The following SLIT2 variants were observed in gnomAD, a reference collection of about 807,000 sequenced individuals.
SLIT2 encodes slit homolog 2 protein.
In SLIT2, 41 loss-of-function variants were observed where a neutral mutation model predicts 185.7. The ratio of observed to expected loss-of-function variants is 0.22; its 90% CI spans 0.17 to 0.29. SLIT2 has a LOEUF of 0.29. Ranked by LOEUF, SLIT2 falls within the 10% of genes least tolerant of loss-of-function variation. SLIT2 has a pLI of 1.00. For synonymous variants in SLIT2, 693 were observed against 680.2 expected, an observed-to-expected ratio of 1.02 and a Z score of -0.29; for missense variants, 1,571 against 1,909.0, an observed-to-expected ratio of 0.82 and a Z score of 3.30.
intron 33 of SLIT2, among the ~76,000 whole-genome samples, chr4:20,598,691 A>G (rs6820674): frequency 0.36 from 54,363 of 151,906 alleles, 10,312 homozygotes; most frequent in East Asian, 0.76. Context: ...TGAAGGATCA[A>G]GAGGAGGGAG....
At chr4:20,307,134 TCCTCCCTC>T (rs1194947629) in intron 4 of SLIT2, among the ~76,000 whole-genome samples, 17 of 29,432 alleles carry the variant, frequency 5.8e-4, no homozygotes, top group African/African-American at 2.0e-3. Flanking sequence ...TTCCCTCCCT[TCCTCCCTC>T]CCTCCCTCCC....
At chr4:20,596,242 A>T (rs756122860) in intron 31 of SLIT2, among the ~76,000 whole-genome samples, 173 bp from the exon 32 acceptor site, 3 of 152,186 alleles carry the variant, frequency 2.0e-5, no homozygotes, top group Non-Finnish European at 4.4e-5. Flanking sequence ...TAAGTTTGGA[A>T]TATCTGTTGT....
chr4:20,549,160 T>TA, intron 24 of SLIT2, 32 bp downstream of exon 24: 1 of 1,323,640 alleles, frequency 7.6e-7, no homozygotes, highest in Non-Finnish European at 1.1e-6. Flanking sequence ...GAATATCTCT[T>TA]TTCTCAGAGA....
chr4:20,488,553 T>C (rs1560468603), intron 7 of SLIT2, among the ~76,000 whole-genome samples: 1 of 152,146 alleles, frequency 6.6e-6, no homozygotes, highest in Non-Finnish European at 1.5e-5. Flanking sequence ...TTTTTTTCTC[T>C]TTCCTCTTTT....
At chr4:20,538,214 C>T (rs751379494) in intron 18 of SLIT2, among the ~76,000 whole-genome samples, 2 of 152,188 alleles carry the variant, frequency 1.3e-5, no homozygotes, top group Non-Finnish European at 2.9e-5. Context: ...CCCGCCTCGG[C>T]CTCCCAAAGT....
At chr4:20,443,269 C>T (rs1160454177) in intron 4 of SLIT2, among the ~76,000 whole-genome samples, 1 of 152,148 alleles carries the variant, frequency 6.6e-6, no homozygotes, top group Non-Finnish European at 1.5e-5. Flanking sequence ...TTACATTTTA[C>T]TGTGTGCAGA....
At chr4:20,343,436 T>C (rs1721124932) in intron 4 of SLIT2, among the ~76,000 whole-genome samples, 1 of 152,206 alleles carries the variant, frequency 6.6e-6, no homozygotes, top group African/African-American at 2.4e-5. Context: ...TAGTATTCCA[T>C]TGTGTATGTA....
intron 4 of SLIT2, among the ~76,000 whole-genome samples, chr4:20,328,781 A>C (rs2109192221): frequency 6.6e-6 from 1 of 152,216 alleles, no homozygotes; most frequent in East Asian, 1.9e-4. Flanking sequence ...CTAAATATAA[A>C]CTGTGGTATG....
chr4:20,341,267 A>G (rs1720940409), intron 4 of SLIT2, among the ~76,000 whole-genome samples: 1 of 152,200 alleles, frequency 6.6e-6, no homozygotes, highest in African/African-American at 2.4e-5. Flanking sequence ...ACCCATGGAG[A>G]ATGTGTCCTC....
chr4:20,511,593 T>TTTTTTTTTTTTTTTTTTA (rs560002264), intron 11 of SLIT2, among the ~76,000 whole-genome samples: 1 of 134,246 alleles, frequency 7.4e-6, no homozygotes, highest in African/African-American at 2.8e-5. Context: ...GCTAATTTTT[T>TTTTTTTTTTTTTTTTTTA]TTTTTTTTTT....
At chr4:20,582,274 T>C (rs1384895685) in intron 29 of SLIT2, among the ~76,000 whole-genome samples, 3 of 152,188 alleles carry the variant, frequency 2.0e-5, no homozygotes, top group East Asian at 1.9e-4. Flanking sequence ...ATTCTCCACT[T>C]CACCCTTGCC....
In SLIT2 at chr4:20,306,498, C is replaced by T. The variant is rs76254348; in HGVS notation, c.395+37617C>T. 9.8e-3 allele frequency among the ~76,000 whole-genome samples: 1,484 copies of T among 152,122 alleles called. 26 individuals are homozygous for T. The highest frequency in any genetic ancestry group is 0.033 in the African/African-American group (1,386 of 41,488). ...CTTTTGTATAATTTGGCTTGAAAAT[C>T]CTAAAATGTAGGGTAGAGGGACTCA... is the stretch of plus-strand genomic sequence containing the variant. On this transcript the variant is annotated intron_variant, in intron 4 of 36. Transcript: ENST00000504154.
chr4:20,548,917 C>T (rs781319893), intron 23 of SLIT2, 140 bp from the exon 24 acceptor site: 47 of 611,384 alleles, frequency 7.7e-5, no homozygotes, highest in Admixed American at 3.2e-4. Context: ...GGAGACAACA[C>T]ACAAAAAATA....
At chr4:20,461,258 G>T (rs865922261) in intron 4 of SLIT2, among the ~76,000 whole-genome samples, 2 of 152,170 alleles carry the variant, frequency 1.3e-5, no homozygotes, top group Non-Finnish European at 2.9e-5. Flanking sequence ...TTAAGAGCAT[G>T]AAATTCATGA....
chr4:20,323,116 A>G (rs1175590556), intron 4 of SLIT2, among the ~76,000 whole-genome samples: 2 of 152,210 alleles, frequency 1.3e-5, no homozygotes, highest in Non-Finnish European at 2.9e-5. Context: ...GAGAGTGGAA[A>G]GACTATGGAG....
At chr4:20,344,947 C>A (rs1721266950) in intron 4 of SLIT2, among the ~76,000 whole-genome samples, 1 of 151,990 alleles carries the variant, frequency 6.6e-6, no homozygotes, top group Non-Finnish European at 1.5e-5. Context: ...TAGTGCTTAC[C>A]TTGCCACGTG....
chr4:20,423,604 C>CAAGAA (rs1297770020), intron 4 of SLIT2, among the ~76,000 whole-genome samples: 1 of 152,088 alleles, frequency 6.6e-6, no homozygotes, highest in African/African-American at 2.4e-5. Context: ...CACAAGAGGT[C>CAAGAA]TGCCTTTGAT....
At chr4:20,499,863 G>A (rs1718557453) in intron 9 of SLIT2, among the ~76,000 whole-genome samples, 1 of 152,100 alleles carries the variant, frequency 6.6e-6, no homozygotes, top group African/African-American at 2.4e-5. Context: ...TGTACTGGCT[G>A]ATTTAAAATA....
chr4:20,531,783 C>G (rs1291209491), intron 16 of SLIT2, among the ~76,000 whole-genome samples: 1 of 150,082 alleles, frequency 6.7e-6, no homozygotes, highest in Admixed American at 6.6e-5. Context: ...TGTGTGCTTC[C>G]TAACATTTTA....
Sources: allele counts gnomAD v4.1 joint callset (sites outside exome capture counted in the v4.1 genomes callset), GRCh38; gene constraint gnomAD v4.1.1; transcripts MANE v1.5; gene names NCBI Gene and HGNC (gene_info 2026-07-23, HGNC 2026-07-21).